The following RFX4 variants were observed in gnomAD, a reference collection of about 807,000 sequenced individuals.
RFX4 encodes the protein transcription factor RFX4.
RFX4 carries 10 observed loss-of-function variants against 95.0 expected under a neutral mutation model. The observed-to-expected ratio is 0.11, with a 90% CI of 0.06 to 0.18. The LOEUF (loss-of-function observed/expected upper bound fraction) is 0.18. RFX4 is among the 10% of genes least tolerant of loss of function. The pLI is 1.00. For missense variants in RFX4, 640 were observed against 922.0 expected (o/e 0.69, Z 3.96); for synonymous variants, 321 against 340.7 (o/e 0.94, Z 0.64).
chr12:106,641,537 CCTT>C (rs1304598185), intron 3 of RFX4, among the ~76,000 whole-genome samples: 1 of 152,196 alleles, frequency 6.6e-6, no homozygotes, highest in Non-Finnish European at 1.5e-5. Flanking sequence ...AGCCAGTTCT[CCTT>C]CTATGGTACC....
intron 3 of RFX4, among the ~76,000 whole-genome samples, chr12:106,651,709 A>G (rs1207153956): frequency 6.6e-6 from 1 of 152,188 alleles, no homozygotes; most frequent in Non-Finnish European, 1.5e-5. Context: ...GGTACAAAGA[A>G]ATAGGGAGGA....
chr12:106,643,323 G>A (rs77242465), intron 3 of RFX4, among the ~76,000 whole-genome samples: 15,165 of 152,190 alleles, frequency 0.1, 960 homozygotes, highest in Middle Eastern at 0.14. Flanking sequence ...CCCACGAGAA[G>A]GTGGCCCATG....
At chr12:106,715,228 G>A in intron 10 of RFX4, 172 bp from the exon 11 acceptor site, 1 of 669,522 alleles carries the variant, frequency 1.5e-6, no homozygotes, top group Non-Finnish European at 2.4e-6. Context: ...AACAGTGTCT[G>A]CGTCTTCTGA....
chr12:106,715,243 CAG>C (rs2042265340), intron 10 of RFX4, 155 bp from the exon 11 acceptor site: 3 of 750,922 alleles, frequency 4.0e-6, no homozygotes, highest in South Asian at 2.0e-5. Context: ...TTCTGAGTTA[CAG>C]AGTCTTCTGG....
At chr12:106,613,271 T>G (rs2039998520) in intron 2 of RFX4, among the ~76,000 whole-genome samples, 1 of 150,532 alleles carries the variant, frequency 6.6e-6, no homozygotes, top group African/African-American at 2.4e-5. Flanking sequence ...CATCCTTGCA[T>G]TCAAGAAATA....
chr12:106,693,651 C>A lies in RFX4; in HGVS notation c.670-2632C>A, dbSNP rs185029136. ...TGGAGGGTCCTCTGGAGGGCAAGTA[C>A]CTTGTCCAAAAGCCGTGGACATCTC... On this transcript the variant is annotated intron_variant, in intron 7 of 17. Transcript: ENST00000392842. Among the ~76,000 whole-genome samples, 277 of 152,222 alleles carry A rather than the reference C, an allele frequency of 1.8e-3. 1 individual carries two copies. Among genetic ancestry groups the A allele is most frequent in the Non-Finnish European group, 3.2e-3 (216 of 68,020 alleles).
chr12:106,666,866 C>T (rs1367598098), intron 4 of RFX4, among the ~76,000 whole-genome samples: 11 of 152,082 alleles, frequency 7.2e-5, no homozygotes, highest in Admixed American at 7.2e-4. Flanking sequence ...GTTTTAAATT[C>T]CTGGTCTGAT....
chr12:106,740,547 G>A (rs565142585), intron 15 of RFX4, among the ~76,000 whole-genome samples: 6 of 152,194 alleles, frequency 3.9e-5, no homozygotes, highest in African/African-American at 1.4e-4. Flanking sequence ...TTGCTGCTGG[G>A]ACTTTAGGCT....
chr12:106,727,163 T>C (rs1296291593), intron 13 of RFX4, among the ~76,000 whole-genome samples: 3 of 152,160 alleles, frequency 2.0e-5, no homozygotes, highest in Admixed American at 2.0e-4. Context: ...AATATTAGAC[T>C]ATGCCAAAAA....
At chr12:106,748,042 G>A (rs1417588534) in intron 16 of RFX4, among the ~76,000 whole-genome samples, 2 of 152,050 alleles carry the variant, frequency 1.3e-5, no homozygotes, top group Non-Finnish European at 2.9e-5. Flanking sequence ...AATATCCTGA[G>A]CACTGTATTG....
intron 4 of RFX4, among the ~76,000 whole-genome samples, chr12:106,657,730 T>G (rs776463714): frequency 6.6e-6 from 1 of 152,116 alleles, no homozygotes; most frequent in Non-Finnish European, 1.5e-5. Context: ...ATGAGGGCGT[T>G]TTTTGAAACT....
intron 2 of RFX4, among the ~76,000 whole-genome samples, chr12:106,617,109 T>A (rs749188757): frequency 1.3e-5 from 2 of 152,184 alleles, no homozygotes; most frequent in Non-Finnish European, 2.9e-5. Context: ...GTTCTTTCAT[T>A]TTTGATATTG....
At chr12:106,683,712 GAATCAGTGGCTCC>G (rs1048874248) in intron 5 of RFX4, 21 of 152,096 alleles carry the variant, frequency 1.4e-4, no homozygotes, top group African/African-American at 4.1e-4. Flanking sequence ...GGTCTTTGAG[GAATCAGTGGCTCC>G]GATAGCTTGT....
At chr12:106,752,075 A>G (rs1223928836) in intron 17 of RFX4, among the ~76,000 whole-genome samples, 1 of 150,060 alleles carries the variant, frequency 6.7e-6, no homozygotes, top group Non-Finnish European at 1.5e-5. Flanking sequence ...TTTTAGGTCT[A>G]ACGTTTAAGT....
intron 5 of RFX4, chr12:106,682,444 G>A: frequency 4.6e-6 from 1 of 218,002 alleles, no homozygotes; most frequent in South Asian, 1.0e-4. Context: ...AAGCAAAACT[G>A]TACTATTCCC....
At position 106,762,044 on chromosome 12, in the gene RFX4, C is replaced by A. The variant is rs895695029; in HGVS notation, c.*575C>A. On this transcript the variant is annotated 3_prime_UTR_variant, in exon 18 of 18. Coordinates refer to ENST00000392842, the MANE Select transcript of RFX4 (RefSeq NM_213594.3). ...CTAAATGGGGAGCTATCTGGAAACT[C>A]TAGATTTTCTGTCATACCCACATCT... 1 of 152,682 alleles carries A rather than the reference C, an allele frequency of 6.5e-6. No homozygotes were observed. Among genetic ancestry groups the A allele is most frequent in the Non-Finnish European group, 1.5e-5 (1 of 68,108 alleles). The allele number at this position is 152,682 out of a possible 1,614,324, so 9.5% of individuals were successfully genotyped here. A position where few individuals can be genotyped will look rare whatever the true frequency, so the allele number is the denominator to read the frequency against.
At chr12:106,741,168 T>A (rs927556777) in intron 15 of RFX4, among the ~76,000 whole-genome samples, 1 of 151,908 alleles carries the variant, frequency 6.6e-6, no homozygotes, top group African/African-American at 2.4e-5. Context: ...CAATAGGAGG[T>A]CTCTTTAGAC....
chr12:106,727,948 A>G (rs1285014112), intron 13 of RFX4, among the ~76,000 whole-genome samples: 1 of 152,132 alleles, frequency 6.6e-6, no homozygotes, highest in African/African-American at 2.4e-5. Flanking sequence ...AATCATTGGC[A>G]TTCTTAATTT....
intron 17 of RFX4, among the ~76,000 whole-genome samples, chr12:106,757,973 C>T (rs1465426330): frequency 2.0e-5 from 3 of 152,252 alleles, no homozygotes; most frequent in East Asian, 1.9e-4. Flanking sequence ...CTCTCATACA[C>T]TCCTTTCAAG....
Sources: allele counts gnomAD v4.1 joint callset (sites outside exome capture counted in the v4.1 genomes callset), GRCh38; gene constraint gnomAD v4.1.1; transcripts MANE v1.5; gene names NCBI Gene and HGNC (gene_info 2026-07-23, HGNC 2026-07-21).